The following RGS6 variants were observed in gnomAD, a reference collection of about 807,000 sequenced individuals.
The protein encoded by RGS6 is regulator of G protein signaling 6, also known as regulator of G-protein signaling 6.
Under a neutral mutation model 78.5 loss-of-function variants are expected in RGS6, and 30 were observed. The observed-to-expected ratio is 0.38, with a 90% CI of 0.29 to 0.52. The LOEUF (loss-of-function observed/expected upper bound fraction) is 0.52, where lower values mean the gene tolerates loss of function less well. Among genes scored for constraint, RGS6 ranks in the 20% least tolerant of loss-of-function variants. The pLI, the probability that RGS6 is intolerant of heterozygous loss-of-function variation, is 0.85. For synonymous variants in RGS6, 206 were observed against 206.0 expected (o/e 1.00, Z 0.00); for missense variants, 495 against 609.7 (o/e 0.81, Z 1.98).
At chr14:72,200,961 TAAAAAAAAAAAAAAAA>T (rs10577203) in intron 2 of RGS6, among the ~76,000 whole-genome samples, 1 of 121,632 alleles carries the variant, frequency 8.2e-6, no homozygotes, top group Non-Finnish European at 1.6e-5. Context: ...GTGCTCTGCT[TAAAAAAAAAAAAAAAA>T]AAAAAAAAAA....
chr14:72,090,384 G>A (rs544398140), intron 2 of RGS6, among the ~76,000 whole-genome samples: 4 of 152,298 alleles, frequency 2.6e-5, no homozygotes, highest in East Asian at 1.9e-4. Flanking sequence ...TCCACCTCCT[G>A]TCAGATCAGC....
At chr14:72,093,474 G>GTTCA (rs1415106066) in intron 2 of RGS6, among the ~76,000 whole-genome samples, 1 of 152,122 alleles carries the variant, frequency 6.6e-6, no homozygotes, top group Non-Finnish European at 1.5e-5. Context: ...GAACTCCTGG[G>GTTCA]TTCAAGTGGT....
chr14:72,282,310 A>T (rs549045552), intron 2 of RGS6, among the ~76,000 whole-genome samples: 1 of 152,314 alleles, frequency 6.6e-6, no homozygotes, highest in South Asian at 2.1e-4. Flanking sequence ...GATAAGCGTT[A>T]ATTAATTTTT....
At chr14:72,396,270 C>T (rs1011974673) in intron 3 of RGS6, among the ~76,000 whole-genome samples, 3 of 152,164 alleles carry the variant, frequency 2.0e-5, no homozygotes, top group Admixed American at 6.5e-5. Flanking sequence ...TTTTGATTTG[C>T]ATTTCTCTGA....
chr14:72,348,969 A>C (rs894204201), intron 2 of RGS6, among the ~76,000 whole-genome samples: 2 of 152,038 alleles, frequency 1.3e-5, no homozygotes, highest in African/African-American at 2.4e-5. Flanking sequence ...GATCGAGACC[A>C]TCCTGGCTAA....
chr14:72,504,621 A>G (rs893048988), intron 13 of RGS6, among the ~76,000 whole-genome samples: 1 of 152,092 alleles, frequency 6.6e-6, no homozygotes, highest in Non-Finnish European at 1.5e-5. Flanking sequence ...AGGAAGATTG[A>G]GGCTTTCTTT....
chr14:72,033,352 A>G (rs978602072), intron 2 of RGS6, among the ~76,000 whole-genome samples: 4 of 151,486 alleles, frequency 2.6e-5, no homozygotes, highest in East Asian at 1.9e-4. Flanking sequence ...TCCTACCTCA[A>G]CCTCCCGAGT....
intron 3 of RGS6, among the ~76,000 whole-genome samples, chr14:72,388,083 C>A (rs532023379): frequency 2.0e-5 from 3 of 152,220 alleles, no homozygotes; most frequent in Non-Finnish European, 4.4e-5. Context: ...GGGATTAGGA[C>A]TCCACATATG....
chr14:72,273,740 G>T (rs1403533173), intron 2 of RGS6, among the ~76,000 whole-genome samples: 1 of 152,182 alleles, frequency 6.6e-6, no homozygotes, highest in African/African-American at 2.4e-5. Context: ...CTTTGTAGTT[G>T]CTCAAGAAAG....
the RGS6 span, among the ~76,000 whole-genome samples, chr14:72,587,384 G>T: frequency 6.6e-6 from 1 of 152,080 alleles, no homozygotes; most frequent in Non-Finnish European, 1.5e-5. Flanking sequence ...GGGGGAAGCT[G>T]TGACGGTTCT....
At chr14:71,988,592 TG>T (rs1345940703) in intron 2 of RGS6, among the ~76,000 whole-genome samples, 8 of 151,988 alleles carry the variant, frequency 5.3e-5, no homozygotes, top group Admixed American at 3.9e-4. Context: ...AGGAGTTGAG[TG>T]GTTGTGACAG....
intron 2 of RGS6, among the ~76,000 whole-genome samples, chr14:72,331,487 C>T (rs147913887): frequency 3.9e-5 from 6 of 152,244 alleles, no homozygotes; most frequent in African/African-American, 9.6e-5. Flanking sequence ...ACAATTGCCC[C>T]GGGAGTGCAG....
At chr14:72,486,484 T>C (rs962454742) in intron 12 of RGS6, among the ~76,000 whole-genome samples, 2 of 151,988 alleles carry the variant, frequency 1.3e-5, no homozygotes, top group African/African-American at 4.8e-5. Context: ...CAGAAACCCA[T>C]AGAGGCCCTC....
chr14:72,221,745 T>C (rs548225159), intron 2 of RGS6, among the ~76,000 whole-genome samples: 19 of 152,308 alleles, frequency 1.2e-4, no homozygotes, highest in Admixed American at 2.6e-4. Context: ...GTGAAAATTC[T>C]TGAGTTTCAC....
chr14:72,494,347 T>C (rs1212531422), intron 12 of RGS6, among the ~76,000 whole-genome samples: 2 of 152,036 alleles, frequency 1.3e-5, no homozygotes, highest in African/African-American at 4.8e-5. Context: ...GACTGGTGAA[T>C]AGAAAGATAA....
chr14:72,165,007 G>A (rs534811969), intron 2 of RGS6, among the ~76,000 whole-genome samples: 1 of 152,314 alleles, frequency 6.6e-6, no homozygotes, highest in South Asian at 2.1e-4. Context: ...GTGAGACCAG[G>A]AAGGTTGGAG....
chr14:72,352,470 A>C (rs940852005), intron 3 of RGS6, among the ~76,000 whole-genome samples: 1 of 152,224 alleles, frequency 6.6e-6, no homozygotes, highest in African/African-American at 2.4e-5. Flanking sequence ...GCGCATCAGC[A>C]ACTTTGCCTG....
At chr14:72,362,185 T>C (rs1359960002) in intron 3 of RGS6, among the ~76,000 whole-genome samples, 1 of 152,170 alleles carries the variant, frequency 6.6e-6, no homozygotes, top group Non-Finnish European at 1.5e-5. Context: ...CTTAAAAAGC[T>C]ATTAATCTAG....
At chr14:72,257,009 T>A (rs1354271169) in intron 2 of RGS6, among the ~76,000 whole-genome samples, 1 of 152,220 alleles carries the variant, frequency 6.6e-6, no homozygotes, top group Non-Finnish European at 1.5e-5. Flanking sequence ...GGAGTGCTTT[T>A]AAAACGTTTT....
Sources: gnomAD v4.1 joint callset for allele counts (sites outside exome capture counted in the v4.1 genomes callset) on GRCh38, gnomAD v4.1.1 for gene constraint, MANE v1.5 for transcripts, NCBI Gene and HGNC (gene_info 2026-07-23, HGNC 2026-07-21) for gene names.